Variants in NRXN3 observed in about 807,000 individuals in gnomAD.
NRXN3 encodes neurexin 3, also known as neurexin III.
A neutral mutation model predicts 137.6 loss-of-function variants in NRXN3; 32 were observed. That is an observed-to-expected ratio of 0.23 (90% CI 0.18 to 0.31). The LOEUF (loss-of-function observed/expected upper bound fraction) is 0.31, where lower values mean the gene tolerates loss of function less well. NRXN3 is among the 10% of genes least tolerant of loss of function. NRXN3 has a pLI of 1.00. For synonymous variants in NRXN3, 798 were observed against 784.5 expected (o/e 1.02, Z -0.29); for missense variants, 1,574 against 2,062.5 (o/e 0.76, Z 4.59).
At chr14:78,259,261 A>T (rs1345020114) in intron 2 of NRXN3, among the ~76,000 whole-genome samples, 2 of 152,218 alleles carry the variant, frequency 1.3e-5, no homozygotes, top group African/African-American at 4.8e-5. Flanking sequence ...CTCTTAGAAC[A>T]TCAGGTCCCA....
intron 15 of NRXN3, among the ~76,000 whole-genome samples, chr14:79,380,793 G>T (rs1170337418): frequency 1.3e-5 from 2 of 152,192 alleles, no homozygotes; most frequent in Non-Finnish European, 2.9e-5. Context: ...TACACTGTTG[G>T]TGGGACTGTA....
chr14:78,208,115 A>G (rs1436234326), intron 1 of NRXN3, among the ~76,000 whole-genome samples: 1 of 152,216 alleles, frequency 6.6e-6, no homozygotes. Flanking sequence ...TAATATTAAT[A>G]CATAATTTGT....
chr14:78,670,688 G>T (rs2097925460), intron 6 of NRXN3, among the ~76,000 whole-genome samples: 1 of 152,242 alleles, frequency 6.6e-6, no homozygotes, highest in African/African-American at 2.4e-5. Flanking sequence ...TTTAAGATGT[G>T]TGCATGCACC....
intron 16 of NRXN3, among the ~76,000 whole-genome samples, chr14:79,510,099 G>A (rs957644279): frequency 7.9e-5 from 12 of 152,154 alleles, no homozygotes; most frequent in African/African-American, 2.9e-4. Context: ...CCATTAGAAA[G>A]CATATAATTG....
chr14:78,701,388 C>T (rs2098277481), intron 6 of NRXN3, among the ~76,000 whole-genome samples: 1 of 152,202 alleles, frequency 6.6e-6, no homozygotes, highest in South Asian at 2.1e-4. Flanking sequence ...GGCTTTTGGG[C>T]TTGCACTCAT....
At chr14:79,119,796 A>T (rs2055100956) in intron 15 of NRXN3, among the ~76,000 whole-genome samples, 2 of 151,632 alleles carry the variant, frequency 1.3e-5, no homozygotes, top group Admixed American at 1.3e-4. Context: ...TGTTATTTTT[A>T]TTTACTGTTT....
intron 3 of NRXN3, among the ~76,000 whole-genome samples, chr14:78,283,538 C>T (rs867201254): frequency 1.4e-5 from 2 of 147,784 alleles, no homozygotes; most frequent in African/African-American, 5.0e-5. Flanking sequence ...GATGGAGTTT[C>T]GCTCTTGTCA....
At chr14:79,122,362 T>G (rs1431976983) in intron 15 of NRXN3, among the ~76,000 whole-genome samples, 3 of 152,170 alleles carry the variant, frequency 2.0e-5, no homozygotes, top group African/African-American at 7.2e-5. Flanking sequence ...GTTCTGACTT[T>G]GGCTGACTTG....
At chr14:79,138,341 G>C (rs1192859888) in intron 15 of NRXN3, among the ~76,000 whole-genome samples, 1 of 152,160 alleles carries the variant, frequency 6.6e-6, no homozygotes, top group African/African-American at 2.4e-5. Flanking sequence ...GTTTGGTATG[G>C]ACAAGGTCTC....
At chr14:78,914,561 G>A (rs1011190910) in intron 10 of NRXN3, among the ~76,000 whole-genome samples, 1 of 152,044 alleles carries the variant, frequency 6.6e-6, no homozygotes, top group Non-Finnish European at 1.5e-5. Context: ...GAGTGATACA[G>A]GTGTCTGCAG....
At chr14:78,223,512 G>A (rs928080573) in intron 1 of NRXN3, among the ~76,000 whole-genome samples, 1 of 152,176 alleles carries the variant, frequency 6.6e-6, no homozygotes, top group Non-Finnish European at 1.5e-5. Flanking sequence ...TTATACTTAG[G>A]ATGGGATGGC....
chr14:78,300,139 A>C (rs1406321127), intron 4 of NRXN3, among the ~76,000 whole-genome samples: 1 of 152,170 alleles, frequency 6.6e-6, no homozygotes, highest in Non-Finnish European at 1.5e-5. Context: ...AATCTTAACA[A>C]TTTATTTTTG....
intron 15 of NRXN3, among the ~76,000 whole-genome samples, chr14:79,217,040 GGCTGGAGGATC>G (rs2068641008): frequency 6.6e-6 from 1 of 152,140 alleles, no homozygotes; most frequent in Non-Finnish European, 1.5e-5. Context: ...GGGAGGCTGA[GGCTGGAGGATC>G]GCTTGAAACC....
chr14:78,208,953 A>G (rs753546253), intron 1 of NRXN3, among the ~76,000 whole-genome samples: 17 of 151,978 alleles, frequency 1.1e-4, no homozygotes, highest in Non-Finnish European at 1.9e-4. Flanking sequence ...CCTGTAGTAG[A>G]TGATCACTAA....
chr14:79,610,240 C>A (rs1183364345), intron 16 of NRXN3, among the ~76,000 whole-genome samples: 2 of 152,048 alleles, frequency 1.3e-5, no homozygotes, highest in Non-Finnish European at 2.9e-5. Context: ...CAGACAGTAG[C>A]CTTTAACCGT....
chr14:79,033,328 C>A (rs774987647), intron 15 of NRXN3, among the ~76,000 whole-genome samples: 1 of 152,116 alleles, frequency 6.6e-6, no homozygotes, highest in Non-Finnish European at 1.5e-5. Context: ...TTTGTCTTTG[C>A]AGCTCTGTCA....
At chr14:79,773,235 C>G (rs2099085064) in intron 19 of NRXN3, among the ~76,000 whole-genome samples, 1 of 152,150 alleles carries the variant, frequency 6.6e-6, no homozygotes, top group African/African-American at 2.4e-5. Flanking sequence ...CCTCAGGGAT[C>G]AAGAACTAGA....
intron 19 of NRXN3, among the ~76,000 whole-genome samples, chr14:79,777,616 A>T (rs1403738750): frequency 6.6e-6 from 1 of 151,846 alleles, no homozygotes; most frequent in African/African-American, 2.4e-5. Context: ...ATGGATGTGA[A>T]TTTTTTTTAT....
At chr14:79,226,507 A>C (rs1437394558) in intron 15 of NRXN3, among the ~76,000 whole-genome samples, 1 of 152,042 alleles carries the variant, frequency 6.6e-6, no homozygotes, top group Non-Finnish European at 1.5e-5. Context: ...CTCAAACCCA[A>C]TGTATCAGAA....
Sources: gnomAD v4.1 joint callset for allele counts (sites outside exome capture counted in the v4.1 genomes callset) on GRCh38, gnomAD v4.1.1 for gene constraint, MANE v1.5 for transcripts, NCBI Gene and HGNC (gene_info 2026-07-23, HGNC 2026-07-21) for gene names.